CES1: variants seen among roughly 807,000 people sequenced by gnomAD.
CES1 encodes carboxylesterase 1.
Under a neutral mutation model 53.0 loss-of-function variants are expected in CES1, and 50 were observed. That is an observed-to-expected ratio of 0.94 (90% CI 0.75 to 1.19). The LOEUF (loss-of-function observed/expected upper bound fraction) is 1.19, where lower values mean the gene tolerates loss of function less well. Ranked by LOEUF, CES1 falls within the 50% of genes most tolerant of loss-of-function variation. The probability of loss-of-function intolerance (pLI) is 0.00; values close to 1 mark genes in which losing one functional copy is unlikely to be tolerated. For synonymous variants in CES1, 202 were observed against 210.1 expected (o/e 0.96, Z 0.33); for missense variants, 534 against 538.0 (o/e 0.99, Z 0.07).
chr16:55,819,708 G>C, intron 6 of CES1, 69 bp from the exon 7 acceptor site: 2 of 1,331,342 alleles, frequency 1.5e-6, no homozygotes, highest in Non-Finnish European at 1.1e-6. Flanking sequence ...GAGGAAAGTG[G>C]CATTCTATCC....
intron 11 of CES1, 40 bp downstream of exon 11, chr16:55,810,477 G>C: frequency 1.2e-6 from 2 of 1,613,426 alleles, no homozygotes; most frequent in Non-Finnish European, 1.7e-6. Context: ...ACAGAAGCTC[G>C]TGGGGTTTGT....
chr16:55,812,272 CTG>C (rs1292081198), intron 9 of CES1: 1 of 153,230 alleles, frequency 6.5e-6, no homozygotes, highest in Non-Finnish European at 1.5e-5. Flanking sequence ...TTGGGGGTAA[CTG>C]TGCAGGTTTG....
rs1263777379 is a variant in CES1 at position 55,828,855 on chromosome 16, T to A, written c.172A>T (p.Lys58Ter). The change falls in exon 2 of 14, where the codon AAG becomes TAG. Residue 58 changes from lysine (K) to a stop codon, truncating the protein, a stop_gained. Transcript: ENST00000360526. LOFTEE classifies it high-confidence loss of function. Reference protein sequence around the residue: ...VAIFLGIPFAKPPLGPLRFTP... With the variant: ...VAIFLGIPFA The stretch of plus-strand genomic sequence containing the variant: ...AACCTCAGGGGTCCAAGAGGCGGCT[T>A]GGCAAAAGGGATTCCCAGGAAAATG... The A allele has an allele frequency of 6.2e-7, 1 of 1,614,296 alleles. No homozygotes were observed. Among genetic ancestry groups the A allele is most frequent in the Non-Finnish European group, 8.5e-7 (1 of 1,180,050 alleles).
rs2032215990 is a variant in CES1 at position 55,821,901 on chromosome 16, A to T, written c.540-380T>A. 2.6e-5 allele frequency among the ~76,000 whole-genome samples: 4 copies of T among 152,298 alleles called. No homozygotes were observed. The South Asian group carries it at 8.3e-4, about 32-fold the overall frequency. On this transcript the variant is annotated intron_variant, in intron 4 of 13. Coordinates refer to ENST00000360526, the MANE Select transcript of CES1 (RefSeq NM_001025195.2). The stretch of plus-strand genomic sequence containing the variant: ...CTGAGGTAAATACAATGGAGTAAGG[A>T]AAAAAACAGGAGTGGGACAGGGGGT...
intron 10 of CES1, 121 bp downstream of exon 10, chr16:55,810,806 G>A: frequency 4.3e-6 from 6 of 1,407,536 alleles, no homozygotes; most frequent in East Asian, 2.3e-5. Context: ...GGGAAAGGTG[G>A]AAAGATGGGG....
At chr16:55,819,718 C>A (rs1246941949) in intron 6 of CES1, 79 bp from the exon 7 acceptor site, 2 of 1,213,200 alleles carry the variant, frequency 1.6e-6, no homozygotes, top group Non-Finnish European at 1.2e-6. Flanking sequence ...GCATTCTATC[C>A]CAAGCCCAAC....
At chr16:55,817,013 C>A (rs1274860041) in intron 7 of CES1, 51 bp from the exon 8 acceptor site, 3 of 1,604,234 alleles carry the variant, frequency 1.9e-6, no homozygotes, top group Non-Finnish European at 2.6e-6. Context: ...CAGGAGAACA[C>A]TGAGCTGGGT....
At chr16:55,813,812 A>C (rs1411824242) in intron 8 of CES1, among the ~76,000 whole-genome samples, 1 of 152,256 alleles carries the variant, frequency 6.6e-6, no homozygotes, top group African/African-American at 2.4e-5. Context: ...CACTACAAAA[A>C]GCACAAAAAT....
At chr16:55,815,137 A>C (rs2031882524) in intron 8 of CES1, among the ~76,000 whole-genome samples, 1 of 152,236 alleles carries the variant, frequency 6.6e-6, no homozygotes. Context: ...TGCAGGGTAA[A>C]TTCCAGAAAC....
At chr16:55,818,117 T>C (rs76875916) in intron 7 of CES1, among the ~76,000 whole-genome samples, 8,774 of 152,082 alleles carry the variant, frequency 0.058, 290 homozygotes, top group Middle Eastern at 0.13. Context: ...GATCCAGGAG[T>C]AGCCTCAGGT....
intron 11 of CES1, among the ~76,000 whole-genome samples, chr16:55,809,798 C>T (rs2070883549): frequency 6.6e-6 from 1 of 152,218 alleles, no homozygotes; most frequent in Non-Finnish European, 1.5e-5. Context: ...CAATACTTAA[C>T]AAACTTGTTT....
rs1192234119 is a variant in CES1, at chr16:55,821,374, A to G, written c.687T>C (p.Ser229=). Residue 229 remains serine (S), a synonymous_variant, in exon 5 of 14, where the codon TCT becomes TCC. Transcript: ENST00000360526. ...FGESAGGESV[S]VLVLSPLAKN... is the part of the protein sequence containing the mutation. The stretch of plus-strand genomic sequence containing the variant: ...TGGTGACAGGAAAACTCACAAGAAC[A>G]GAGACACTTTCTCCTCCCGCTGACT... 6 of 1,614,120 alleles carry G rather than the reference A, an allele frequency of 3.7e-6. No individual in the cohort carries two copies. The African/African-American group carries it at 6.7e-5, about 18-fold the overall frequency.
At chr16:55,809,093 C>CAA (rs376932562) in intron 11 of CES1, among the ~76,000 whole-genome samples, 866 of 72,014 alleles carry the variant, frequency 0.012, 81 homozygotes, top group South Asian at 0.045. Context: ...GTAGTCCTGG[C>CAA]AAAAAAAAAA....
intron 2 of CES1, among the ~76,000 whole-genome samples, chr16:55,827,343 T>C (rs1160591903): frequency 6.6e-5 from 10 of 151,054 alleles, no homozygotes; most frequent in African/African-American, 2.4e-4. Context: ...AAGAACTCAC[T>C]GGTCTTCAGA....
intron 4 of CES1, among the ~76,000 whole-genome samples, chr16:55,823,038 A>G (rs2032266865): frequency 1.3e-5 from 2 of 152,008 alleles, no homozygotes; most frequent in South Asian, 4.1e-4. Flanking sequence ...AAATGAGCTG[A>G]GTGGGTCCCA....
intron 8 of CES1, among the ~76,000 whole-genome samples, chr16:55,815,780 C>T (rs28461890): frequency 0.011 from 1,614 of 152,286 alleles, 17 homozygotes; most frequent in Non-Finnish European, 0.017. Flanking sequence ...CCCTTTCCTA[C>T]AGTCTATTTG....
In CES1 at chr16:55,821,494, G is replaced by A; in HGVS notation, c.567C>T (p.Asn189=). 1 of 1,614,204 alleles carries A rather than the reference G, an allele frequency of 6.2e-7. No homozygotes were observed. The highest frequency in any genetic ancestry group is 1.1e-5 in the South Asian group (1 of 91,082). Residue 189 remains asparagine (N), a synonymous_variant, in exon 5 of 14, where the codon AAC becomes AAT. Transcript: ENST00000360526. Reference sequence around the variant, plus strand: ...CAGCCACCTGGTCCAGGTGACCCCAGTTCCCCCGGCTGTGTTCATCCCCTG... The same window carrying A: ...CAGCCACCTGGTCCAGGTGACCCCAATTCCCCCGGCTGTGTTCATCCCCTG... ...FSTGDEHSRG[N]WGHLDQVAAL... is the part of the protein sequence containing the mutation.
intron 2 of CES1, among the ~76,000 whole-genome samples, chr16:55,827,154 A>C: frequency 6.6e-6 from 1 of 152,072 alleles, no homozygotes; most frequent in Admixed American, 6.5e-5. Flanking sequence ...TACATGAGGA[A>C]ACTGAGGCAC....
intron 2 of CES1, among the ~76,000 whole-genome samples, chr16:55,827,266 A>G (rs1820090789): frequency 7.4e-6 from 1 of 134,260 alleles, no homozygotes; most frequent in African/African-American, 2.8e-5. Context: ...CACCAAGTGC[A>G]AGAGGAATAA....
Sources: gnomAD v4.1 joint callset for allele counts (sites outside exome capture counted in the v4.1 genomes callset) on GRCh38, gnomAD v4.1.1 for gene constraint, MANE v1.5 for transcripts, NCBI Gene and HGNC (gene_info 2026-07-23, HGNC 2026-07-21) for gene names.